Variants in TMEM255A observed in about 807,000 individuals in gnomAD.
TMEM255A encodes transmembrane protein 255A.
A neutral mutation model predicts 23.5 loss-of-function variants in TMEM255A; 14 were observed. The ratio of observed to expected loss-of-function variants is 0.60; its 90% confidence interval spans 0.39 to 0.93. The LOEUF is 0.93. Among genes scored for constraint, TMEM255A ranks in the 40% least tolerant of loss-of-function variants. The pLI, the probability that TMEM255A is intolerant of heterozygous loss-of-function variation, is 0.00. For synonymous variants in TMEM255A, 104 were observed against 100.3 expected (o/e 1.04, Z -0.22); for missense variants, 233 against 261.7 (o/e 0.89, Z 0.76).
Position 120,293,564 on chromosome X carries a change from C to G in TMEM255A, c.264+425G>C, listed in dbSNP as rs782816601. Among the ~76,000 whole-genome samples the G allele has an allele frequency of 1.8e-5, 2 of 112,815 alleles. 1 individual carries two copies. The highest frequency in any genetic ancestry group is 7.2e-4 in the South Asian group (2 of 2,762). On this transcript the variant is annotated intron_variant, in intron 3 of 8. Transcript: ENST00000371369. Reference sequence around the variant, plus strand: ...TGTAATCTCCTAAAAGGCAGGAACTCTCTGTGAAAACTTGCCCAAAAGATT... The same window carrying G: ...TGTAATCTCCTAAAAGGCAGGAACTGTCTGTGAAAACTTGCCCAAAAGATT...
chrX:120,297,134 T>TATATATTATATTATAATATATAA (rs1442498063), intron 2 of TMEM255A, among the ~76,000 whole-genome samples: 1 of 42,449 alleles, frequency 2.4e-5, no homozygotes, highest in Non-Finnish European at 3.7e-5. Flanking sequence ...ATATATAATA[T>TATATATTATATTATAATATATAA]TATATATATT....
intron 7 of TMEM255A, among the ~76,000 whole-genome samples, chrX:120,272,869 G>A (rs2057771766): frequency 9.1e-6 from 1 of 109,334 alleles, no homozygotes; most frequent in Non-Finnish European, 1.9e-5. Context: ...AGCCTCCCGA[G>A]TAGCTGGGAT....
Position 120,277,045 on chromosome X carries a change from C to A in TMEM255A, c.515G>T (p.Arg172Leu), listed in dbSNP as rs782380405. The change falls in exon 7 of 9, where the codon CGG (arginine) becomes CTG (leucine). Residue 172 changes from arginine (R) to leucine (L), a missense_variant and splice_region_variant. By Grantham distance (102) the Arg-to-Leu change is moderately radical. Transcript: ENST00000371369. Reference protein sequence around the residue: ...FCCDLYNCGNRVEITGGYYEY... With the variant: ...FCCDLYNCGNLVEITGGYYEY... ...GTAGTACCCACCAGTGATCTCCACC[C>A]GGCTGGACAGGGAGGAGCATGCTCC... 1 of 1,206,925 alleles carries A rather than the reference C, an allele frequency of 8.3e-7. No homozygotes were observed. The highest frequency in any genetic ancestry group is 1.1e-6 in the Non-Finnish European group (1 of 892,901).
chrX:120,276,857 T>A, intron 7 of TMEM255A, 28 bp downstream of exon 7: 6 of 1,200,425 alleles, frequency 5.0e-6, no homozygotes, highest in Non-Finnish European at 6.8e-6. Context: ...GGGGCCACTG[T>A]GAAATGCAAA....
chrX:120,268,223 C>CT, intron 8 of TMEM255A, 21 bp downstream of exon 8: 1 of 1,198,230 alleles, frequency 8.3e-7, no homozygotes, highest in Admixed American at 2.3e-5. Flanking sequence ...ATACAGAGTT[C>CT]TTTTTTCTCC....
chrX:120,287,088 G>C, intron 5 of TMEM255A, 66 bp downstream of exon 5: 12 of 930,773 alleles, frequency 1.3e-5, no homozygotes, highest in Non-Finnish European at 1.7e-5. Context: ...GTAAAAGAAA[G>C]GGTGTTTCAG....
At chrX:120,299,427 C>T (rs781821846) in intron 2 of TMEM255A, among the ~76,000 whole-genome samples, 1 of 111,477 alleles carries the variant, frequency 9.0e-6, no homozygotes, top group Non-Finnish European at 1.9e-5. Context: ...AACCCCCTTG[C>T]CTCAGCCTCC....
chrX:120,285,993 G>T (rs1603402063), intron 5 of TMEM255A: 1 of 999,558 alleles, frequency 1.0e-6, no homozygotes. Context: ...TAGCAAATGG[G>T]CATTTTTTTC....
At chrX:120,309,388 C>G (rs1442374742) in intron 1 of TMEM255A, among the ~76,000 whole-genome samples, 1 of 113,175 alleles carries the variant, frequency 8.8e-6, no homozygotes, top group African/African-American at 3.2e-5. Flanking sequence ...AGAAAGAAAG[C>G]TCTTCATCTT....
intron 8 of TMEM255A, among the ~76,000 whole-genome samples, chrX:120,264,788 G>T (rs2057703831): frequency 9.1e-6 from 1 of 110,012 alleles, no homozygotes; most frequent in Non-Finnish European, 1.9e-5. Flanking sequence ...TGTGCTTCAG[G>T]TGGTTTTATT....
At chrX:120,304,624 G>C in intron 1 of TMEM255A, 133 bp from the exon 2 acceptor site, 1 of 613,778 alleles carries the variant, frequency 1.6e-6, no homozygotes, top group Non-Finnish European at 2.5e-6. Flanking sequence ...GGTGACGGGT[G>C]GGGGGTTGTG....
rs781845651 is a variant in TMEM255A at position 120,300,439 on chromosome X, G to C, written c.201+3910C>G. 2.7e-5 allele frequency among the ~76,000 whole-genome samples: 3 copies of C among 110,833 alleles called. No individual in the cohort carries two copies. In the South Asian group the frequency reaches 1.2e-3, roughly 43 times the overall value. On this transcript the variant is annotated intron_variant, in intron 2 of 8. Transcript: ENST00000371369. ...ACCTCGATCTGTCACCCAGGCTGGA[G>C]TGAAGTGGCGCGATCTCAGCTCACT... is the stretch of plus-strand genomic sequence containing the variant.
At chrX:120,272,833 C>T (rs1556019038) in intron 7 of TMEM255A, among the ~76,000 whole-genome samples, 2 of 108,738 alleles carry the variant, frequency 1.8e-5, no homozygotes, top group Admixed American at 9.7e-5. Context: ...CCTCCACCTC[C>T]CAGGTTCAAG....
intron 7 of TMEM255A, among the ~76,000 whole-genome samples, chrX:120,273,956 A>T (rs180976222): frequency 1.8e-5 from 2 of 112,296 alleles, no homozygotes; most frequent in African/African-American, 6.5e-5. Context: ...CTTGTAAGTG[A>T]TTGTTCATGA....
chrX:120,255,367 C>T (rs1447086630), downstream of TMEM255A: 1 of 1,210,975 alleles, frequency 8.3e-7, no homozygotes, highest in East Asian at 3.0e-5. Context: ...GAAAATGATT[C>T]AATTTTTAAA....
intron 7 of TMEM255A, among the ~76,000 whole-genome samples, chrX:120,269,129 C>CT (rs34038524): frequency 2.1e-3 from 212 of 102,182 alleles, no homozygotes; most frequent in African/African-American, 5.4e-3. Flanking sequence ...ATCCCCCCAC[C>CT]TTTTTTTTTT....
chrX:120,286,225 C>T (rs999347782), intron 5 of TMEM255A, among the ~76,000 whole-genome samples: 1 of 112,202 alleles, frequency 8.9e-6, no homozygotes, highest in Non-Finnish European at 1.9e-5. Flanking sequence ...GGCACCCATT[C>T]ACATTGTATT....
rs1411694993 is a variant in TMEM255A at position 120,260,201 on chromosome X, A to G, written c.*669T>C. The stretch of plus-strand genomic sequence containing the variant: ...TATTTCAGTGTTTCCGGAACAATAC[A>G]TCCTGTTCCCCACTACTGAAGATGC... On this transcript the variant is annotated 3_prime_UTR_variant, in exon 9 of 9. Transcript: ENST00000371369. 1.2e-5 allele frequency: 9 copies of G among 749,962 alleles called. No homozygotes were observed. Among genetic ancestry groups the G allele is most frequent in the Non-Finnish European group, 1.4e-5 (9 of 634,991 alleles). 61.8% of individuals were successfully genotyped at this position (749,962 alleles called of 1,213,427 possible).
chrX:120,304,338 T>C lies in TMEM255A; in HGVS notation c.201+11A>G. On this transcript the variant is annotated intron_variant, in intron 2 of 8. Coordinates refer to ENST00000371369, the MANE Select transcript of TMEM255A (RefSeq NM_001104544.3). ...AAGCTACTGCGACCTACCTGTGCCT[T>C]CTATACTTACAATAACTCCGGGGTA... 3 of 1,206,900 alleles carry C rather than the reference T, an allele frequency of 2.5e-6. No homozygotes were observed. Among genetic ancestry groups the C allele is most frequent in the South Asian group, 3.6e-5 (2 of 56,202 alleles).
Sources: allele counts gnomAD v4.1 joint callset (sites outside exome capture counted in the v4.1 genomes callset), GRCh38; gene constraint gnomAD v4.1.1; transcripts MANE v1.5; gene names NCBI Gene and HGNC (gene_info 2026-07-23, HGNC 2026-07-21).